RGMA: variants seen among roughly 807,000 people sequenced by gnomAD.
The protein encoded by RGMA is repulsive guidance molecule BMP co-receptor a, also known as repulsive guidance molecule A.
Under a neutral mutation model 23.2 loss-of-function variants are expected in RGMA, and 10 were observed. The ratio of observed to expected loss-of-function variants is 0.43; its 90% CI spans 0.27 to 0.73. The LOEUF is 0.73. Among genes scored for constraint, RGMA ranks in the 30% least tolerant of loss-of-function variants. The pLI, the probability that RGMA is intolerant of heterozygous loss-of-function variation, is 0.20. For synonymous variants in RGMA, 308 were observed against 279.3 expected, an observed-to-expected ratio of 1.10 and a Z score of -1.03; for missense variants, 547 against 630.5, an observed-to-expected ratio of 0.87 and a Z score of 1.42.
intron 2 of RGMA, among the ~76,000 whole-genome samples, chr15:93,072,489 C>A (rs1405125327): frequency 6.6e-6 from 1 of 152,092 alleles, no homozygotes; most frequent in African/African-American, 2.4e-5. Flanking sequence ...ACCTCAGGGG[C>A]GACCCTGGCT....
intron 1 of RGMA, among the ~76,000 whole-genome samples, chr15:93,074,766 G>A (rs10153038): frequency 0.041 from 6,199 of 152,234 alleles, 153 homozygotes; most frequent in Non-Finnish European, 0.058. Context: ...CAGCATCACC[G>A]AACGGCAGCC....
At chr15:93,073,774 T>C in intron 1 of RGMA, 1 of 1,536,904 alleles carries the variant, frequency 6.5e-7, no homozygotes, top group Non-Finnish European at 8.7e-7. Context: ...GGGTTTGGCC[T>C]GCCTCCAGCA....
intron 2 of RGMA, among the ~76,000 whole-genome samples, chr15:93,056,262 G>A (rs917146212): frequency 2.0e-5 from 3 of 152,250 alleles, no homozygotes; most frequent in African/African-American, 7.2e-5. Flanking sequence ...ATTTCCCCAG[G>A]ATGGGGAGGG....
In RGMA at chr15:93,045,589, G is replaced by T. The variant is rs777456829; in HGVS notation, c.762C>A (p.His254Gln). ...CAGTGATCTTCAGGCTGTTGGCCCC[G>T]TGCTTGTCCCCACCGTTCTTAGAGC... ...VDGSKNGGDK[H>Q]GANSLKITEK... The change falls in exon 4 of 4, where the codon CAC becomes CAA. Residue 254 changes from histidine (H) to glutamine (Q), a missense_variant. This residue lies in a region of RGMA where 128 missense variants were observed against 191.7 expected (regional missense o/e 0.67). Transcript: ENST00000329082. This position sits in a 1 kb window ranked among gnomAD's most constrained non-coding sequence, Gnocchi z 6.9. 2 of 1,613,272 alleles carry T rather than the reference G, an allele frequency of 1.2e-6. No individual in the cohort carries two copies. Among genetic ancestry groups the T allele is most frequent in the Non-Finnish European group, 1.7e-6 (2 of 1,179,868 alleles).
Position 93,045,217 on chromosome 15 carries a change from G to T in RGMA, c.1134C>A (p.Cys378Ter). Residue 378 changes from cysteine to a stop codon, truncating the protein, a stop_gained, in exon 4 of 4, where the codon TGC becomes TGA. Transcript: ENST00000329082. LOFTEE classifies it low-confidence loss of function (END_TRUNC). The surrounding 1 kb of genome is among the most constrained non-coding windows in gnomAD (Gnocchi z 6.9). ...LPVEDLYYQACVFDLLTTGDV... is the reference protein window; with the variant it reads ...LPVEDLYYQA ...CGCCCGTGGTGAGGAGGTCGAAGACGCAGGCCTGGTAGTACAGGTCCTCCA... is the reference window on the plus strand; with the variant it reads ...CGCCCGTGGTGAGGAGGTCGAAGACTCAGGCCTGGTAGTACAGGTCCTCCA... The T allele has an allele frequency of 1.2e-6, 2 of 1,612,246 alleles. No individual in the cohort carries two copies. Among genetic ancestry groups the T allele is most frequent in the Non-Finnish European group, 1.7e-6 (2 of 1,179,310 alleles).
intron 1 of RGMA, among the ~76,000 whole-genome samples, chr15:93,082,184 G>A (rs1442174089): frequency 6.6e-6 from 1 of 152,204 alleles, no homozygotes; most frequent in Admixed American, 6.5e-5. Context: ...AGGAACTATT[G>A]TTTGGACTAC....
intron 2 of RGMA, among the ~76,000 whole-genome samples, chr15:93,071,338 T>C (rs1335123450): frequency 1.3e-5 from 2 of 152,228 alleles, no homozygotes; most frequent in Non-Finnish European, 2.9e-5. Context: ...GACTCTTAAG[T>C]AGGTGGAGAA....
intron 1 of RGMA, chr15:93,074,166 C>T (rs11854936): frequency 0.61 from 217,072 of 358,400 alleles, 66,754 homozygotes; most frequent in East Asian, 0.95. Flanking sequence ...GTCAAACCAA[C>T]TCCTCCCGCC....
intron 1 of RGMA, among the ~76,000 whole-genome samples, chr15:93,075,182 C>A (rs1033512084): frequency 6.6e-6 from 1 of 151,678 alleles, no homozygotes; most frequent in African/African-American, 2.4e-5. Flanking sequence ...AGGAGTTTCT[C>A]CCTCCCACGT....
At chr15:93,051,153 G>A (rs897615232) in intron 3 of RGMA, among the ~76,000 whole-genome samples, 1 of 152,220 alleles carries the variant, frequency 6.6e-6, no homozygotes, top group Non-Finnish European at 1.5e-5. Flanking sequence ...AAGGGCCACC[G>A]GAGCAGAGGG....
In RGMA at chr15:93,057,133, C is replaced by A. The variant is rs142549128; in HGVS notation, c.131-4626G>T. On this transcript the variant is annotated intron_variant, in intron 2 of 3. Transcript: ENST00000329082. Reference sequence around the variant, plus strand: ...CCCAACTCCTGGCAGCTCCTTCAATCCACTGACTGTCCAGGATCAGTCAAT... The same window carrying A: ...CCCAACTCCTGGCAGCTCCTTCAATACACTGACTGTCCAGGATCAGTCAAT... Among the ~76,000 whole-genome samples the A allele has an allele frequency of 2.6e-3, 402 of 152,324 alleles. 3 individuals are homozygous for A. Among genetic ancestry groups the A allele is most frequent in the African/African-American group, 9.4e-3 (391 of 41,570 alleles).
At chr15:93,049,214 CAGCTACTATCTACGG>C (rs923654511) in intron 3 of RGMA, among the ~76,000 whole-genome samples, 1 of 152,212 alleles carries the variant, frequency 6.6e-6, no homozygotes, top group Non-Finnish European at 1.5e-5. Context: ...CAGGCTGCAT[CAGCTACTATCTACGG>C]AGCACCACCT....
At chr15:93,085,116 T>C (rs983468042) in intron 1 of RGMA, among the ~76,000 whole-genome samples, 7 of 152,160 alleles carry the variant, frequency 4.6e-5, no homozygotes, top group Non-Finnish European at 1.0e-4. Context: ...AATATCTCTG[T>C]TTCACAAGGA....
intron 2 of RGMA, among the ~76,000 whole-genome samples, chr15:93,053,820 C>G (rs753759996): frequency 9.2e-5 from 14 of 152,234 alleles, no homozygotes; most frequent in South Asian, 2.1e-4. Context: ...TGGGCTCCCC[C>G]CTTCACGTGA....
chr15:93,071,754 C>T (rs1417051857), intron 2 of RGMA, among the ~76,000 whole-genome samples: 1 of 152,260 alleles, frequency 6.6e-6, no homozygotes, highest in African/African-American at 2.4e-5. Context: ...AAGAGCAAAT[C>T]AAAATAACCC....
At chr15:93,064,903 TC>T (rs1178331455) in intron 2 of RGMA, among the ~76,000 whole-genome samples, 1 of 152,026 alleles carries the variant, frequency 6.6e-6, no homozygotes, top group African/African-American at 2.4e-5. Flanking sequence ...CCTCATCATA[TC>T]CCCAAAGTCT....
chr15:93,070,235 T>C (rs958020616), intron 2 of RGMA, among the ~76,000 whole-genome samples: 6 of 152,244 alleles, frequency 3.9e-5, no homozygotes, highest in Non-Finnish European at 5.9e-5. Context: ...GCTCTCAGTG[T>C]AGCTGAGGTG....
chr15:93,044,682 T>C lies in RGMA; in HGVS notation c.*316A>G. The C allele has an allele frequency of 2.5e-6, 1 of 407,548 alleles. No homozygotes were observed. Among genetic ancestry groups the C allele is most frequent in the South Asian group, 3.6e-5 (1 of 27,592 alleles). 25.2% of individuals were successfully genotyped at this position (407,548 alleles called of 1,614,324 possible). On this transcript the variant is annotated 3_prime_UTR_variant, in exon 4 of 4. Transcript: ENST00000329082. ...AGGAGCTGACTCTGACGGTTCCCAGTGTGTCTCTGGTGGGGGTGGGGGGCT... is the reference window on the plus strand; with the variant it reads ...AGGAGCTGACTCTGACGGTTCCCAGCGTGTCTCTGGTGGGGGTGGGGGGCT...
intron 1 of RGMA, among the ~76,000 whole-genome samples, chr15:93,075,598 C>T (rs1439909546): frequency 1.3e-5 from 2 of 151,718 alleles, no homozygotes; most frequent in African/African-American, 4.8e-5. Flanking sequence ...TGGTTCTTCT[C>T]GCAGCAGGAC....
Sources: allele counts gnomAD v4.1 joint callset (sites outside exome capture counted in the v4.1 genomes callset), GRCh38; gene constraint gnomAD v4.1.1; regional missense constraint gnomAD v4.1.1; non-coding constraint Gnocchi (gnomAD v3.1); transcripts MANE v1.5; gene names NCBI Gene and HGNC (gene_info 2026-07-23, HGNC 2026-07-21).